Variants in DCAF16 observed in about 807,000 individuals in gnomAD.
The protein encoded by DCAF16 is DDB1- and CUL4-associated factor 16.
DCAF16 carries 10 observed loss-of-function variants against 17.3 expected under a neutral mutation model. That is an observed-to-expected ratio of 0.58 (90% CI 0.36 to 0.98). The LOEUF (loss-of-function observed/expected upper bound fraction) is 0.98. DCAF16 is among the 50% of genes least tolerant of loss of function. DCAF16 has a pLI of 0.01. For synonymous variants in DCAF16, 111 were observed against 92.8 expected (o/e 1.20, Z -1.12); for missense variants, 249 against 247.6 (o/e 1.01, Z -0.04).
At chr4:17,798,309 CCT>C (rs1491204867), downstream of DCAF16, among the ~76,000 whole-genome samples, 9 of 139,474 alleles carry the variant, frequency 6.5e-5, no homozygotes, top group African/African-American at 2.0e-4. Context: ...CTGTTATTTT[CCT>C]TTTTTTTTTT....
chr4:17,799,665 A>C, downstream of DCAF16, among the ~76,000 whole-genome samples: 1 of 148,206 alleles, frequency 6.7e-6, no homozygotes, highest in Non-Finnish European at 1.5e-5. Flanking sequence ...TTCATCAGAG[A>C]CTTTTTTTTT....
Position 17,803,545 on chromosome 4 carries a change from A to AT in DCAF16, c.596dup (p.Tyr199Ter), listed in dbSNP as rs1719992969. ...CTGCCTTTTGGAAGTCAGTGTAAGA[A>AT]TAAGTAGTGTTGATGGGTTCAGTAC... ...TTRTEPINTTYSYTDFQKAVN... is the reference protein window; with the variant it reads ...TTRTEPINTT Residue 199 changes from tyrosine to a stop codon, truncating the protein, a stop_gained and frameshift_variant, in exon 3 of 3, where the codon TAT (tyrosine) becomes TAAT (stop). Transcript: ENST00000382247. LOFTEE classifies it high-confidence loss of function. 1.2e-6 allele frequency: 2 copies of AT among 1,614,220 alleles called. No homozygotes were observed. The highest frequency in any genetic ancestry group is 1.7e-6 in the Non-Finnish European group (2 of 1,180,024).
At position 17,803,362 on chromosome 4, in the gene DCAF16, G is replaced by T; in HGVS notation, c.*129C>A. 2 of 861,360 alleles carry T rather than the reference G, an allele frequency of 2.3e-6. No individual in the cohort carries two copies. Among genetic ancestry groups the T allele is most frequent in the Non-Finnish European group, 3.7e-6 (2 of 536,762 alleles). The allele number at this position is 861,360 out of a possible 1,614,324, so 53.4% of individuals were successfully genotyped here. A position where few individuals can be genotyped will look rare whatever the true frequency, so the allele number is the denominator to read the frequency against. On this transcript the variant is annotated 3_prime_UTR_variant, in exon 3 of 3. Transcript: ENST00000382247. ...TTTTATCCACAGGGTTTGTCAAAGG[G>T]TATCCTCATTGGCTTGCCAGGGCAT...
downstream of DCAF16, among the ~76,000 whole-genome samples, chr4:17,799,839 T>G (rs1405740256): frequency 6.6e-6 from 1 of 152,118 alleles, no homozygotes; most frequent in Non-Finnish European, 1.5e-5. Flanking sequence ...TCAAGGTATC[T>G]GGACTGTTTT....
chr4:17,805,474 GA>G (rs1287807113), intron 1 of DCAF16, among the ~76,000 whole-genome samples: 2 of 151,768 alleles, frequency 1.3e-5, no homozygotes, highest in African/African-American at 2.4e-5. Flanking sequence ...AGAACTAAAG[GA>G]AAAAAAGAGA....
At position 17,803,307 on chromosome 4, in the gene DCAF16, G is replaced by C. The variant is rs1178059800; in HGVS notation, c.*184C>G. 6.5e-6 allele frequency: 4 copies of C among 617,350 alleles called. No homozygotes were observed. Among genetic ancestry groups the C allele is most frequent in the South Asian group, 2.0e-5 (1 of 50,254 alleles). The allele number at this position is 617,350 out of a possible 1,614,324, so 38.2% of individuals were successfully genotyped here. A position where few individuals can be genotyped will look rare whatever the true frequency, so the allele number is the denominator to read the frequency against. On this transcript the variant is annotated 3_prime_UTR_variant, in exon 3 of 3. Coordinates refer to ENST00000382247, the MANE Select transcript of DCAF16 (RefSeq NM_017741.4). Reference sequence around the variant, plus strand: ...CCCAAAGTGCTGGGATTACAGGTGTGAGCCACCATGCCTGACCTTGATATT... The same window carrying C: ...CCCAAAGTGCTGGGATTACAGGTGTCAGCCACCATGCCTGACCTTGATATT...
At chr4:17,798,177 C>T, downstream of DCAF16, among the ~76,000 whole-genome samples, 1 of 152,292 alleles carries the variant, frequency 6.6e-6, no homozygotes. Context: ...CAGAATCTTC[C>T]TAAATAAACT....
chr4:17,795,710 CCTTT>C (rs748978679), downstream of DCAF16, among the ~76,000 whole-genome samples: 1 of 152,134 alleles, frequency 6.6e-6, no homozygotes, highest in Non-Finnish European at 1.5e-5. Flanking sequence ...GCAGTATATT[CCTTT>C]CTGAGAATAT....
chr4:17,809,982 T>C (rs1269587991), intron 1 of DCAF16, among the ~76,000 whole-genome samples: 1 of 152,184 alleles, frequency 6.6e-6, no homozygotes, highest in African/African-American at 2.4e-5. Flanking sequence ...ATTTCCTCTG[T>C]AGATGTCAAT....
downstream of DCAF16, among the ~76,000 whole-genome samples, chr4:17,797,192 G>A (rs952003509): frequency 6.6e-6 from 1 of 152,064 alleles, no homozygotes; most frequent in Non-Finnish European, 1.5e-5. Context: ...GACAGTTCCT[G>A]GGAACAACTA....
At chr4:17,805,583 T>C (rs1720250475) in intron 1 of DCAF16, among the ~76,000 whole-genome samples, 1 of 152,218 alleles carries the variant, frequency 6.6e-6, no homozygotes. Context: ...AAAGAGAATG[T>C]AACTTTCTCA....
chr4:17,798,398 A>G (rs1426480776), downstream of DCAF16, among the ~76,000 whole-genome samples: 1 of 144,170 alleles, frequency 6.9e-6, no homozygotes, highest in African/African-American at 2.6e-5. Context: ...TGAGCTCAGG[A>G]GTTCCTGACC....
rs1040789914 is a variant in DCAF16 at position 17,803,707 on chromosome 4, C to T, written c.435G>A (p.Leu145=). The stretch of plus-strand genomic sequence containing the variant: ...GGCTTAGCTGTTTGGTGGCAAATTG[C>T]AGTGCTCCATTTAGAGTGGCATGAT... The part of the protein sequence containing the change: ...SRDHATLNGA[L]QFATKQLSRT... Residue 145 remains leucine, a synonymous_variant, in exon 3 of 3, where the codon CTG becomes CTA. Transcript: ENST00000382247. 3.0e-5 allele frequency: 48 copies of T among 1,614,002 alleles called. 1 individual carries two copies. The highest frequency in any genetic ancestry group is 8.5e-7 in the Non-Finnish European group (1 of 1,180,036).
Position 17,803,773 on chromosome 4 carries a change from A to AGGT in DCAF16, c.366_368dup (p.Pro123dup). The AGGT allele has an allele frequency of 6.2e-7, 1 of 1,614,178 alleles. No homozygotes were observed. Among genetic ancestry groups the AGGT allele is most frequent in the Non-Finnish European group, 8.5e-7 (1 of 1,180,036 alleles). On this transcript the variant is annotated inframe_insertion, in exon 3 of 3. Transcript: ENST00000382247. ...TGGGACTTGTAAGAGGCTTTTGAAA[A>AGGT]GGTGGGACTCCACAAGAGGCCAGAG... is the stretch of plus-strand genomic sequence containing the variant.
chr4:17,803,664 T>C lies in DCAF16; in HGVS notation c.478A>G (p.Thr160Ala). Reference sequence around the variant, plus strand: ...TGTTTTAGGTATTCAGGTATGGGAGTGGCTCTACTCAATGTTCGGCTTAGC... The same window carrying C: ...TGTTTTAGGTATTCAGGTATGGGAGCGGCTCTACTCAATGTTCGGCTTAGC... ...KQLSRTLSRATPIPEYLKQIP... is the reference protein window; with the variant it reads ...KQLSRTLSRAAPIPEYLKQIP... The change falls in exon 3 of 3, where the codon ACT becomes GCT. Residue 160 changes from threonine to alanine, a missense_variant. Transcript: ENST00000382247. 1 of 1,614,142 alleles carries C rather than the reference T, an allele frequency of 6.2e-7. No individual in the cohort carries two copies. Among genetic ancestry groups the C allele is most frequent in the East Asian group, 2.2e-5 (1 of 44,878 alleles).
In DCAF16 at chr4:17,803,557, G is replaced by C; in HGVS notation, c.585C>G (p.Ile195Met). ...AGTCAGTGTAAGAATAAGTAGTGTT[G>C]ATGGGTTCAGTACGAGTTGTTTCCT... ...TVKETTRTEP[I>M]NTTYSYTDFQ... is the part of the protein sequence containing the mutation. Residue 195 changes from isoleucine (I) to methionine (M), a missense_variant, in exon 3 of 3, where the codon ATC (isoleucine) becomes ATG (methionine). Coordinates refer to ENST00000382247, the MANE Select transcript of DCAF16 (RefSeq NM_017741.4). 6.2e-7 allele frequency: 1 copy of C among 1,614,168 alleles called. No individual in the cohort carries two copies. Among genetic ancestry groups the C allele is most frequent in the Non-Finnish European group, 8.5e-7 (1 of 1,179,982 alleles).
chr4:17,799,692 TGATA>T (rs1337350524), downstream of DCAF16, among the ~76,000 whole-genome samples: 1 of 152,128 alleles, frequency 6.6e-6, no homozygotes, highest in Non-Finnish European at 1.5e-5. Flanking sequence ...TGGACAGGTG[TGATA>T]GAAGACCCAG....
rs1201301143 is a variant in DCAF16 at position 17,804,668 on chromosome 4, A to G, written c.-527T>C. On this transcript the variant is annotated 5_prime_UTR_variant, in exon 3 of 3. Coordinates refer to ENST00000382247, the MANE Select transcript of DCAF16 (RefSeq NM_017741.4). ...ATGAGCTGTCAAGAACATCTGGTGT[A>G]TAAGGATCCGATGCTTTCCATAGGT... The G allele has an allele frequency of 1.2e-5, 2 of 173,542 alleles. No homozygotes were observed. The highest frequency in any genetic ancestry group is 6.0e-5 in the Admixed American group (1 of 16,722). 10.8% of individuals were successfully genotyped at this position (173,542 alleles called of 1,614,324 possible). A position where few individuals can be genotyped will look rare whatever the true frequency, so the allele number is the denominator to read the frequency against.
In DCAF16 at chr4:17,802,522, A is replaced by T. The variant is rs1239046789; in HGVS notation, c.*969T>A. 2.0e-5 allele frequency: 3 copies of T among 152,150 alleles called. No individual in the cohort carries two copies. Among genetic ancestry groups the T allele is most frequent in the Non-Finnish European group, 2.9e-5 (2 of 68,040 alleles). The allele number at this position is 152,150 out of a possible 1,614,324, so 9.4% of individuals were successfully genotyped here. ...CCCCGCCCCCTTCCAAAAAAAAGAAAAAGTGAAAGGAACTCTAAAGAGTGT... is the reference window on the plus strand; with the variant it reads ...CCCCGCCCCCTTCCAAAAAAAAGAATAAGTGAAAGGAACTCTAAAGAGTGT... On this transcript the variant is annotated 3_prime_UTR_variant, in exon 3 of 3. Coordinates refer to ENST00000382247, the MANE Select transcript of DCAF16 (RefSeq NM_017741.4).
Sources: gnomAD v4.1 joint callset for allele counts (sites outside exome capture counted in the v4.1 genomes callset) on GRCh38, gnomAD v4.1.1 for gene constraint, MANE v1.5 for transcripts, NCBI Gene and HGNC (gene_info 2026-07-23, HGNC 2026-07-21) for gene names.